MBD5: variants seen among roughly 807,000 people sequenced by gnomAD.
MBD5 encodes the protein methyl-CpG binding domain protein 5.
MBD5 carries 13 observed loss-of-function variants against 117.3 expected under a neutral mutation model. The ratio of observed to expected loss-of-function variants is 0.11; its 90% CI spans 0.07 to 0.18. The LOEUF (loss-of-function observed/expected upper bound fraction) is 0.18, where lower values mean the gene tolerates loss of function less well. Among genes scored for constraint, MBD5 ranks in the 10% least tolerant of loss-of-function variants. The probability of loss-of-function intolerance (pLI) is 1.00; values close to 1 mark genes in which losing one functional copy is unlikely to be tolerated. For missense variants in MBD5, 1,879 were observed against 2,093.8 expected, an observed-to-expected ratio of 0.90 and a Z score of 2.00; for synonymous variants, 727 against 766.4, an observed-to-expected ratio of 0.95 and a Z score of 0.85.
intron 4 of MBD5, among the ~76,000 whole-genome samples, chr2:148,424,177 CAAAAAAAA>C (rs56740583): frequency 7.5e-5 from 4 of 53,460 alleles, no homozygotes; most frequent in African/African-American, 1.5e-4. Context: ...GACTCTGTCT[CAAAAAAAA>C]AAAAAAAAAA....
Position 148,470,270 on chromosome 2 carries a change from C to A in MBD5, c.2327C>A (p.Pro776His). The A allele has an allele frequency of 6.2e-7, 1 of 1,613,992 alleles. No individual in the cohort carries two copies. Among genetic ancestry groups the A allele is most frequent in the Non-Finnish European group, 8.5e-7 (1 of 1,179,906 alleles). ...TNFVHSNSPV[P>H]NHHLAGLINQ... is the part of the protein sequence containing the mutation. ...TTTGTTCACAGTAACAGTCCAGTCC[C>A]CAACCACCATCTTGCAGGTTTAATA... Residue 776 changes from proline to histidine, a missense_variant, in exon 8 of 14, where the codon CCC becomes CAC. Pro to His is a moderately conservative substitution (Grantham distance 77). This residue lies in a region of MBD5 where 1,666 missense variants were observed against 1,792.2 expected (regional missense o/e 0.93). Coordinates refer to ENST00000642680, the MANE Select transcript of MBD5 (RefSeq NM_001378120.1).
chr2:148,058,982 A>T (rs1170955245), intron 1 of MBD5, among the ~76,000 whole-genome samples: 1 of 152,194 alleles, frequency 6.6e-6, no homozygotes, highest in Non-Finnish European at 1.5e-5. Context: ...TATTTGATGG[A>T]TAAGTGAGTA....
intron 1 of MBD5, among the ~76,000 whole-genome samples, chr2:148,087,944 AC>A (rs1417550439): frequency 6.6e-6 from 1 of 152,154 alleles, no homozygotes; most frequent in East Asian, 1.9e-4. Flanking sequence ...AAAGGTGAAA[AC>A]CATCTGAAAT....
At chr2:148,087,855 A>G (rs527791974) in intron 1 of MBD5, among the ~76,000 whole-genome samples, 1 of 152,344 alleles carries the variant, frequency 6.6e-6, no homozygotes, top group African/African-American at 2.4e-5. Flanking sequence ...CAATGGATCC[A>G]AACCAAGAAG....
intron 4 of MBD5, among the ~76,000 whole-genome samples, chr2:148,363,553 G>A (rs1159800725): frequency 1.3e-5 from 2 of 152,134 alleles, no homozygotes; most frequent in African/African-American, 2.4e-5. Flanking sequence ...TTGAGAAAAG[G>A]TTAGACAAAT....
chr2:148,368,211 C>T (rs1175775111), intron 4 of MBD5, among the ~76,000 whole-genome samples: 2 of 152,070 alleles, frequency 1.3e-5, no homozygotes, highest in Non-Finnish European at 1.5e-5. Flanking sequence ...TCATTCTCAG[C>T]AAACTAACAC....
At chr2:148,258,701 C>T (rs1005487712) in intron 3 of MBD5, among the ~76,000 whole-genome samples, 17 of 152,216 alleles carry the variant, frequency 1.1e-4, no homozygotes, top group African/African-American at 4.1e-4. Context: ...ACTGTCTCCA[C>T]AAAGCTAAGA....
intron 2 of MBD5, among the ~76,000 whole-genome samples, chr2:148,229,122 T>C (rs1699917394): frequency 2.0e-5 from 3 of 152,114 alleles, no homozygotes; most frequent in Non-Finnish European, 4.4e-5. Flanking sequence ...TGATCTTAGT[T>C]ATTTCTTGCA....
rs140186326 is a variant in MBD5, at chr2:148,373,345, T to A, written c.-557+31009T>A. On this transcript the variant is annotated intron_variant, in intron 4 of 13. Coordinates refer to ENST00000642680, the MANE Select transcript of MBD5 (RefSeq NM_001378120.1). The stretch of plus-strand genomic sequence containing the variant: ...GTTCATTGGTAGCATTGCATTACAG[T>A]GAGAAGTGCATATTGAATAACCAGA... 1.1e-4 allele frequency among the ~76,000 whole-genome samples: 16 copies of A among 152,244 alleles called. No individual in the cohort carries two copies. In the East Asian group the frequency reaches 3.1e-3, roughly 29 times the overall value.
At chr2:148,054,747 G>A (rs986285386) in intron 1 of MBD5, 1 of 152,186 alleles carries the variant, frequency 6.6e-6, no homozygotes, top group African/African-American at 2.4e-5. Context: ...TGCTCACAGT[G>A]AATACTTTGA....
rs1559095715 is a variant in MBD5, at chr2:148,484,019, CAGA to C, written c.3430_3432del (p.Glu1144del). The C allele has an allele frequency of 6.4e-7, 1 of 1,550,454 alleles. No homozygotes were observed. ...GGTGGGACAGCAGTGGTGTCAATGG[CAGA>C]AACATTGCTGAATATATCTAATAAT... On this transcript the variant is annotated inframe_deletion, in exon 9 of 14. Transcript: ENST00000642680.
At chr2:148,301,831 C>T (rs1248448802) in intron 3 of MBD5, among the ~76,000 whole-genome samples, 1 of 152,202 alleles carries the variant, frequency 6.6e-6, no homozygotes, top group Non-Finnish European at 1.5e-5. Flanking sequence ...CATTTTGCTT[C>T]TTAGTGTACA....
intron 2 of MBD5, among the ~76,000 whole-genome samples, chr2:148,201,751 C>T (rs1039714884): frequency 1.3e-5 from 2 of 152,064 alleles, no homozygotes; most frequent in African/African-American, 4.8e-5. Flanking sequence ...TGGTCCCCCA[C>T]CTGAAGTTGG....
rs73009297 is a variant in MBD5 at position 148,207,950 on chromosome 2, T to A, written c.-830-25295T>A. ...CTGTAACAAATTACCACAAACCTGGTGTCTTAATGCAAAAAATAATTATTT... is the reference window on the plus strand; with the variant it reads ...CTGTAACAAATTACCACAAACCTGGAGTCTTAATGCAAAAAATAATTATTT... On this transcript the variant is annotated intron_variant, in intron 2 of 13. Transcript: ENST00000642680. Among the ~76,000 whole-genome samples the A allele has an allele frequency of 3.6e-3, 548 of 152,296 alleles. 2 individuals are homozygous for A. Among genetic ancestry groups the A allele is most frequent in the African/African-American group, 0.012 (508 of 41,564 alleles).
At chr2:148,185,461 AG>A (rs998769335) in intron 2 of MBD5, among the ~76,000 whole-genome samples, 4 of 152,240 alleles carry the variant, frequency 2.6e-5, no homozygotes, top group Admixed American at 6.5e-5. Flanking sequence ...TTACATTTCT[AG>A]AAATTTCTCC....
intron 1 of MBD5, among the ~76,000 whole-genome samples, chr2:148,152,593 T>G (rs924509526): frequency 2.0e-5 from 3 of 152,192 alleles, no homozygotes; most frequent in South Asian, 4.1e-4. Context: ...TGTAGGTCAC[T>G]CAGGACTTGC....
rs903726614 is a variant in MBD5, at chr2:148,318,836, C to A, written c.-679-23378C>A. ...CGTTCAAGTGTTCTCATGCCTCAGCCACCCTAGTAGCTGGGATTACAGACA... is the reference window on the plus strand; with the variant it reads ...CGTTCAAGTGTTCTCATGCCTCAGCAACCCTAGTAGCTGGGATTACAGACA... On this transcript the variant is annotated intron_variant, in intron 3 of 13. Transcript: ENST00000642680. Among the ~76,000 whole-genome samples, 13 of 152,150 alleles carry A rather than the reference C, an allele frequency of 8.5e-5. No individual in the cohort carries two copies. In the East Asian group the frequency reaches 2.5e-3, roughly 29 times the overall value.
intron 1 of MBD5, among the ~76,000 whole-genome samples, chr2:148,053,491 T>G (rs1364496227): frequency 1.3e-5 from 2 of 152,100 alleles, no homozygotes; most frequent in Admixed American, 6.5e-5. Flanking sequence ...TCTTATCCTA[T>G]CTGCTTGACT....
chr2:148,048,666 G>T (rs1384690178), intron 1 of MBD5, among the ~76,000 whole-genome samples: 1 of 151,830 alleles, frequency 6.6e-6, no homozygotes, highest in Non-Finnish European at 1.5e-5. Flanking sequence ...TCAAAAGGAG[G>T]GTCAAGGTAA....
Sources: gnomAD v4.1 joint callset for allele counts (sites outside exome capture counted in the v4.1 genomes callset) on GRCh38, gnomAD v4.1.1 for gene constraint, gnomAD v4.1.1 regional missense constraint, MANE v1.5 for transcripts, NCBI Gene and HGNC (gene_info 2026-07-23, HGNC 2026-07-21) for gene names.